Variants in AMOT observed in about 807,000 individuals in gnomAD.
The protein encoded by AMOT is angiomotin.
A neutral mutation model predicts 67.0 loss-of-function variants in AMOT; 11 were observed. The ratio of observed to expected loss-of-function variants is 0.16; its 90% CI spans 0.10 to 0.27. AMOT has a LOEUF of 0.27. Ranked by LOEUF, AMOT falls within the 10% of genes least tolerant of loss-of-function variation. The pLI, the probability that AMOT is intolerant of heterozygous loss-of-function variation, is 1.00. For synonymous variants in AMOT, 326 were observed against 321.4 expected, an observed-to-expected ratio of 1.01 and a Z score of -0.15; for missense variants, 753 against 852.0, an observed-to-expected ratio of 0.88 and a Z score of 1.45.
At chrX:112,831,151 G>A (rs914792287) in intron 2 of AMOT, among the ~76,000 whole-genome samples, 2 of 109,520 alleles carry the variant, frequency 1.8e-5, no homozygotes, top group African/African-American at 6.7e-5. Context: ...AAAATCATCC[G>A]GTCCTAAAGC....
chrX:112,822,963 G>A lies in AMOT; in HGVS notation c.164C>T (p.Pro55Leu), dbSNP rs1452320213. 15 of 1,165,741 alleles carry A rather than the reference G, an allele frequency of 1.3e-5. No homozygotes were observed. Among genetic ancestry groups the A allele is most frequent in the East Asian group, 3.3e-5 (1 of 30,664 alleles). ...ACTCAACACATCACTCTGAGGGCCC[G>A]GGTTCCCACTGCCACTGGGGAAAGG... ...GPPFPSGSGN[P>L]GPQSDVLSPQ... Residue 55 changes from proline to leucine, a missense_variant, in exon 4 of 14, where the codon CCG becomes CTG. Around this residue, in one of 5 missense-constraint regions of AMOT, gnomAD observed 118 missense variants for 125.9 expected, o/e 0.94. Transcript: ENST00000371959.
chrX:112,807,999 T>C (rs906629508), intron 7 of AMOT, among the ~76,000 whole-genome samples: 1 of 111,906 alleles, frequency 8.9e-6, no homozygotes, highest in Non-Finnish European at 1.9e-5. Context: ...AAGACAGACC[T>C]CACACCAGAA....
intron 3 of AMOT, among the ~76,000 whole-genome samples, chrX:112,824,510 A>AGG (rs1283930102): frequency 9.0e-6 from 1 of 111,455 alleles, no homozygotes; most frequent in Non-Finnish European, 1.9e-5. Context: ...GCAGAGAGAG[A>AGG]GTGACCCAGA....
rs751389172 is a variant in AMOT at position 112,809,866 on chromosome X, T to C, written c.1630+28A>G. ...CACCTTGCTCCCATCCACACGTTAATACCTGTTTCTGCAGCTTGCAGACTT... is the reference window on the plus strand; with the variant it reads ...CACCTTGCTCCCATCCACACGTTAACACCTGTTTCTGCAGCTTGCAGACTT... On this transcript the variant is annotated intron_variant, in intron 7 of 13. Coordinates refer to ENST00000371959, the MANE Select transcript of AMOT (RefSeq NM_001113490.2). 5.1e-6 allele frequency: 6 copies of C among 1,178,365 alleles called. No homozygotes were observed. The East Asian group carries it at 1.8e-4, about 35-fold the overall frequency.
chrX:112,804,907 TC>T (rs2147801730), intron 8 of AMOT, 39 bp downstream of exon 8: 1 of 524,956 alleles, frequency 1.9e-6, no homozygotes, highest in South Asian at 2.4e-5. Flanking sequence ...TTCCCAGCCC[TC>T]CCACCCCCAG....
intron 5 of AMOT, among the ~76,000 whole-genome samples, chrX:112,814,272 CAAAAAAAAAA>C (rs772491383): frequency 1.7e-5 from 1 of 57,199 alleles, no homozygotes; most frequent in African/African-American, 6.3e-5. Context: ...GACTCCGTCT[CAAAAAAAAAA>C]AAAAAGAAAG....
intron 5 of AMOT, 92 bp downstream of exon 5, chrX:112,815,266 G>A: frequency 9.5e-7 from 1 of 1,056,417 alleles, no homozygotes; most frequent in Middle Eastern, 2.7e-4. Context: ...AAGTAATGCT[G>A]GGATTCACAA....
chrX:112,803,407 G>A (rs1222254536), intron 8 of AMOT, among the ~76,000 whole-genome samples: 1 of 112,158 alleles, frequency 8.9e-6, no homozygotes, highest in Non-Finnish European at 1.9e-5. Context: ...AAAATGTGAG[G>A]GAAGGGAATA....
chrX:112,779,785 T>C (rs1293201430), intron 12 of AMOT, 105 bp from the exon 13 acceptor site: 1 of 337,656 alleles, frequency 3.0e-6, no homozygotes, highest in African/African-American at 2.7e-5. Context: ...TTTATTTATT[T>C]TTAAATAAGT....
Position 112,781,129 on chromosome X carries a change from A to C in AMOT, c.2241-11T>G. Reference sequence around the variant, plus strand: ...TGGAGGGTCTTAATCCTAGGAGCCAAAGGCAAAGAACATATAAAGACCTTG... The same window carrying C: ...TGGAGGGTCTTAATCCTAGGAGCCACAGGCAAAGAACATATAAAGACCTTG... On this transcript the variant is annotated splice_polypyrimidine_tract_variant and intron_variant, in intron 11 of 13. Transcript: ENST00000371959. The C allele has an allele frequency of 3.3e-6, 4 of 1,201,082 alleles. No homozygotes were observed. The highest frequency in any genetic ancestry group is 4.5e-6 in the Non-Finnish European group (4 of 886,242).
chrX:112,821,619 G>GT (rs1170548282), intron 4 of AMOT, among the ~76,000 whole-genome samples: 1 of 111,446 alleles, frequency 9.0e-6, no homozygotes, highest in Admixed American at 9.6e-5. Flanking sequence ...GTTTAAAAAT[G>GT]TGACAGGCAA....
chrX:112,835,767 G>C (rs943963948), intron 1 of AMOT, among the ~76,000 whole-genome samples: 14 of 111,077 alleles, frequency 1.3e-4, no homozygotes, highest in African/African-American at 4.3e-4. Context: ...ATTTTTAGTA[G>C]AGACAGGGGT....
chrX:112,807,789 C>T (rs747153816), intron 7 of AMOT, among the ~76,000 whole-genome samples: 2 of 112,216 alleles, frequency 1.8e-5, no homozygotes, highest in East Asian at 5.6e-4. Flanking sequence ...ATCATCACCA[C>T]GATTAGTAAT....
At chrX:112,832,240 G>T (rs1935008899) in intron 2 of AMOT, 54 bp downstream of exon 2, 1 of 111,693 alleles carries the variant, frequency 9.0e-6, no homozygotes, top group Admixed American at 9.5e-5. Context: ...GCCACAGCAG[G>T]AGAAGAAAAC....
rs779836892 is a variant in AMOT at position 112,828,796 on chromosome X, G to A, written c.-212+3498C>T. 2.7e-5 allele frequency among the ~76,000 whole-genome samples: 3 copies of A among 112,076 alleles called. No homozygotes were observed. In the East Asian group the frequency reaches 8.4e-4, roughly 31 times the overall value. ...ACATATTATCTAGCATTATTTGCTT[G>A]TACAAAGGAGATGCTTAATAACTAT... On this transcript the variant is annotated intron_variant, in intron 2 of 13. Transcript: ENST00000371959.
Position 112,822,505 on chromosome X carries a change from A to G in AMOT, c.622T>C (p.Tyr208His). The G allele has an allele frequency of 1.7e-6, 2 of 1,167,763 alleles. No individual in the cohort carries two copies. The highest frequency in any genetic ancestry group is 2.3e-6 in the Non-Finnish European group (2 of 873,069). ...PLSPPQPNDL[Y>H]KNPTSSSEFY... is the part of the protein sequence containing the mutation. Reference sequence around the variant, plus strand: ...TCACTGGAACTTGTGGGATTCTTGTAGAGGTCATTGGGTTGTGGTGGGGAG... The same window carrying G: ...TCACTGGAACTTGTGGGATTCTTGTGGAGGTCATTGGGTTGTGGTGGGGAG... Residue 208 changes from tyrosine (Y) to histidine (H), a missense_variant, in exon 4 of 14, where the codon TAC (tyrosine) becomes CAC (histidine). Tyr to His is a moderately conservative substitution (Grantham distance 83). This residue lies in a region of AMOT where 297 missense variants were observed against 284.3 expected (regional missense o/e 1.04). Coordinates refer to ENST00000371959, the MANE Select transcript of AMOT (RefSeq NM_001113490.2).
chrX:112,791,895 C>T lies in AMOT; in HGVS notation c.1863G>A (p.Glu621=). 8.3e-7 allele frequency: 1 copy of T among 1,212,102 alleles called. No individual in the cohort carries two copies. Among genetic ancestry groups the T allele is most frequent in the Non-Finnish European group, 1.1e-6 (1 of 895,579 alleles). The change falls in exon 9 of 14, where the codon GAG becomes GAA. Residue 621 remains glutamate, a synonymous_variant. Coordinates refer to ENST00000371959, the MANE Select transcript of AMOT (RefSeq NM_001113490.2). The part of the protein sequence containing the change: ...VQLQAACEKR[E]QLEHRLRTRL... The stretch of plus-strand genomic sequence containing the variant: ...GTGTCCGGAGACGGTGCTCTAGCTG[C>T]TCACGTTTTTCACATGCTGCCTGGA...
chrX:112,794,157 G>A (rs1026698810), intron 8 of AMOT, among the ~76,000 whole-genome samples: 4 of 111,869 alleles, frequency 3.6e-5, no homozygotes, highest in African/African-American at 1.3e-4. Context: ...CTACTGCAAT[G>A]CAAGCTCACA....
Position 112,811,366 on chromosome X carries a change from C to T in AMOT, c.1420G>A (p.Glu474Lys). The T allele has an allele frequency of 1.7e-6, 2 of 1,207,373 alleles. No individual in the cohort carries two copies. Among genetic ancestry groups the T allele is most frequent in the Non-Finnish European group, 2.2e-6 (2 of 893,147 alleles). The change falls in exon 6 of 14, where the codon GAG (glutamate) becomes AAG (lysine). Residue 474 changes from glutamate to lysine, a missense_variant. Coordinates refer to ENST00000371959, the MANE Select transcript of AMOT (RefSeq NM_001113490.2). ...KVETEIQRVSEAYENLVKSSS... is the reference protein window; with the variant it reads ...KVETEIQRVSKAYENLVKSSS... ...GACTTCACGAGGTTCTCATATGCCT[C>T]CGAGACGCGCTGGATTTCTGTCTCC... is the stretch of plus-strand genomic sequence containing the variant.
Sources: gnomAD v4.1 joint callset for allele counts (sites outside exome capture counted in the v4.1 genomes callset) on GRCh38, gnomAD v4.1.1 for gene constraint, gnomAD v4.1.1 regional missense constraint, MANE v1.5 for transcripts, NCBI Gene and HGNC (gene_info 2026-07-23, HGNC 2026-07-21) for gene names.